Variants in ARHGEF6 observed in about 807,000 individuals in gnomAD.
ARHGEF6 encodes rho guanine nucleotide exchange factor 6.
In ARHGEF6, 9 loss-of-function variants were observed where a neutral mutation model predicts 70.3. The observed-to-expected ratio is 0.13, with a 90% CI of 0.08 to 0.22. ARHGEF6 has a LOEUF of 0.22. ARHGEF6 is among the 10% of genes least tolerant of loss of function. The pLI, the probability that ARHGEF6 is intolerant of heterozygous loss-of-function variation, is 1.00. For missense variants in ARHGEF6, 470 were observed against 563.0 expected, an observed-to-expected ratio of 0.83 and a Z score of 1.67; for synonymous variants, 201 against 207.8, an observed-to-expected ratio of 0.97 and a Z score of 0.28.
intron 3 of ARHGEF6, among the ~76,000 whole-genome samples, chrX:136,746,983 T>C (rs1050413051): frequency 9.0e-5 from 10 of 111,678 alleles, no homozygotes; most frequent in Admixed American, 3.8e-4. Context: ...TCACATTTAC[T>C]AGCATTTATA....
At chrX:136,689,110 T>C (rs1236629094) in intron 10 of ARHGEF6, among the ~76,000 whole-genome samples, 6 of 112,537 alleles carry the variant, frequency 5.3e-5, no homozygotes, top group African/African-American at 6.5e-5. Context: ...AGTAAGGTTG[T>C]ATTCCTTTAC....
rs770841599 is a variant in ARHGEF6, at chrX:136,736,308, CATTT to C, written c.662-4140_662-4137del. 2.7e-5 allele frequency among the ~76,000 whole-genome samples: 3 copies of C among 112,207 alleles called. No individual in the cohort carries two copies. The South Asian group carries it at 1.1e-3, about 41-fold the overall frequency. On this transcript the variant is annotated intron_variant, in intron 5 of 21. Transcript: ENST00000250617. The stretch of plus-strand genomic sequence containing the variant: ...AAATTGTATAAGTGGCTAATTTTCT[CATTT>C]ATAATGTATGTGACTCAAATGAAAT...
At chrX:136,740,003 C>CATTATT (rs746167958) in intron 5 of ARHGEF6, among the ~76,000 whole-genome samples, 3,434 of 109,737 alleles carry the variant, frequency 0.031, 148 homozygotes, top group African/African-American at 0.11. Context: ...ACCCAAGTTA[C>CATTATT]ATTATTATTA....
rs2077441597 is a variant in ARHGEF6 at position 136,780,841 on chromosome X, C to T, written c.42G>A (p.Leu14=). Residue 14 remains leucine (L), a synonymous_variant, in exon 1 of 22, where the codon TTG becomes TTA. Transcript: ENST00000250617. The stretch of plus-strand genomic sequence containing the variant: ...TCTTTTTAGGGGACTCTAAAACTCC[C>T]AAAGATATAAGCCATGTCACGATTT... ...EEQIVTWLIS[L]GVLESPKKTI... 3.3e-6 allele frequency: 4 copies of T among 1,211,362 alleles called. No individual in the cohort carries two copies. The highest frequency in any genetic ancestry group is 2.2e-5 in the Admixed American group (1 of 45,957).
chrX:136,693,306 T>A (rs2148597418), intron 9 of ARHGEF6, among the ~76,000 whole-genome samples: 1 of 112,194 alleles, frequency 8.9e-6, no homozygotes, highest in East Asian at 2.8e-4. Flanking sequence ...AAACACTGGT[T>A]CTTCAGAAAA....
intron 12 of ARHGEF6, among the ~76,000 whole-genome samples, chrX:136,685,256 A>G (rs1189463062): frequency 9.0e-6 from 1 of 111,454 alleles, no homozygotes; most frequent in Non-Finnish European, 1.9e-5. Flanking sequence ...CCCTCCTGTG[A>G]ACTTCTATGG....
chrX:136,770,847 A>C (rs984823222), intron 2 of ARHGEF6, among the ~76,000 whole-genome samples: 4 of 111,643 alleles, frequency 3.6e-5, no homozygotes, highest in Non-Finnish European at 7.5e-5. Context: ...AAATACAAAA[A>C]TTAGCCAAGC....
chrX:136,767,535 TCGGCGGG>T, intron 2 of ARHGEF6: 2 of 754,454 alleles, frequency 2.7e-6, no homozygotes, highest in Non-Finnish European at 3.1e-6. Context: ...GCCGTGCCGC[TCGGCGGG>T]CGGAGGATCG....
In ARHGEF6 at chrX:136,675,052, C is replaced by T; in HGVS notation, c.1990G>A (p.Glu664Lys). 3 of 1,211,627 alleles carry T rather than the reference C, an allele frequency of 2.5e-6. No individual in the cohort carries two copies. The highest frequency in any genetic ancestry group is 2.2e-6 in the Non-Finnish European group (2 of 895,349). Reference protein sequence around the residue: ...EEDAQILKVIEAYCTSANFQQ... With the variant: ...EEDAQILKVIKAYCTSANFQQ... Reference sequence around the variant, plus strand: ...AAATTTGCGCTGGTGCAGTAGGCTTCGATCACTTTAAGGATTTGAGCATCC... The same window carrying T: ...AAATTTGCGCTGGTGCAGTAGGCTTTGATCACTTTAAGGATTTGAGCATCC... Residue 664 changes from glutamate (E) to lysine (K), a missense_variant, in exon 19 of 22, where the codon GAA becomes AAA. Physicochemically the swap from Glu to Lys is moderately conservative, Grantham distance 56 (BLOSUM62 1). Coordinates refer to ENST00000250617, the MANE Select transcript of ARHGEF6 (RefSeq NM_004840.3).
At chrX:136,703,525 T>C (rs140949404) in intron 9 of ARHGEF6, among the ~76,000 whole-genome samples, 1,538 of 112,369 alleles carry the variant, frequency 0.014, 11 homozygotes, top group Middle Eastern at 0.05. Flanking sequence ...CCAAACTTTT[T>C]TTATTTTTTT....
chrX:136,758,744 T>C (rs2077236341), intron 2 of ARHGEF6, among the ~76,000 whole-genome samples: 1 of 111,679 alleles, frequency 9.0e-6, no homozygotes. Flanking sequence ...GTCATTTTTA[T>C]GAATAAAAGT....
Position 136,672,049 on chromosome X carries a change from T to C in ARHGEF6, c.2106A>G (p.Arg702=). The C allele has an allele frequency of 8.3e-7, 1 of 1,210,564 alleles. No individual in the cohort carries two copies. Among genetic ancestry groups the C allele is most frequent in the Non-Finnish European group, 1.1e-6 (1 of 894,391 alleles). ...EEEKLIIEET[R]SNGQTIMEEK... ...CTTCCATGATGGTCTGGCCGTTGCT[T>C]CTGGTTTCTTCAATGATGAGTTTCT... Residue 702 remains arginine, a synonymous_variant, in exon 20 of 22, where the codon AGA becomes AGG. Coordinates refer to ENST00000250617, the MANE Select transcript of ARHGEF6 (RefSeq NM_004840.3).
Position 136,668,001 on chromosome X carries a change from C to T in ARHGEF6, c.*28G>A. The T allele has an allele frequency of 8.3e-7, 1 of 1,210,675 alleles. No individual in the cohort carries two copies. The highest frequency in any genetic ancestry group is 1.8e-5 in the South Asian group (1 of 56,954). ...GGGACATTTCAAGATGCCCTGAAGG[C>T]ACACTCCACCCAGTGGCACAGTGAT... On this transcript the variant is annotated 3_prime_UTR_variant, in exon 22 of 22. Transcript: ENST00000250617.
At chrX:136,679,057 C>A (rs1186558444) in intron 16 of ARHGEF6, among the ~76,000 whole-genome samples, 1 of 112,133 alleles carries the variant, frequency 8.9e-6, no homozygotes, top group Non-Finnish European at 1.9e-5. Flanking sequence ...TCATCAAATT[C>A]TTTTCTCATT....
Position 136,704,561 on chromosome X carries a change from G to A in ARHGEF6, c.1046+2347C>T, listed in dbSNP as rs190906643. ...ACTCACCATTCCACATGGCTGGGGA[G>A]GCCTCAGGAAACTTACAATCATGGT... On this transcript the variant is annotated intron_variant, in intron 9 of 21. Coordinates refer to ENST00000250617, the MANE Select transcript of ARHGEF6 (RefSeq NM_004840.3). Among the ~76,000 whole-genome samples the A allele has an allele frequency of 6.3e-4, 71 of 111,927 alleles. No individual in the cohort carries two copies. The East Asian group carries it at 9.2e-3, about 15-fold the overall frequency.
At chrX:136,708,809 G>T in intron 7 of ARHGEF6, 39 bp from the exon 8 acceptor site, 1 of 1,017,759 alleles carries the variant, frequency 9.8e-7, no homozygotes, top group Non-Finnish European at 1.4e-6. Flanking sequence ...ATCTATTGTA[G>T]TCTAGTTGGC....
chrX:136,678,003 T>C lies in ARHGEF6; in HGVS notation c.1831-47A>G, dbSNP rs145014969. 1,171 of 1,098,255 alleles carry C rather than the reference T, an allele frequency of 1.1e-3. 4 individuals carry two copies. The Middle Eastern group carries it at 0.018, about 17-fold the overall frequency. 90.5% of individuals were successfully genotyped at this position (1,098,255 alleles called of 1,213,427 possible). Reference sequence around the variant, plus strand: ...AGAGAAGATGAGCGTGAGAGGTCGATGGTTATAATGACCAAATCCACTTAT... The same window carrying C: ...AGAGAAGATGAGCGTGAGAGGTCGACGGTTATAATGACCAAATCCACTTAT... On this transcript the variant is annotated intron_variant, in intron 16 of 21. Transcript: ENST00000250617.
intron 13 of ARHGEF6, among the ~76,000 whole-genome samples, chrX:136,682,501 T>C (rs2076342370): frequency 1.8e-5 from 2 of 112,248 alleles, no homozygotes; most frequent in Non-Finnish European, 3.8e-5. Flanking sequence ...CTAATTTATC[T>C]AGTTTCCATT....
At chrX:136,710,330 C>CATATAT (rs59532724) in intron 7 of ARHGEF6, among the ~76,000 whole-genome samples, 8,804 of 87,370 alleles carry the variant, frequency 0.1, 574 homozygotes, top group East Asian at 0.28. Context: ...ATATATTATA[C>CATATAT]ATATATATAT....
Sources: gnomAD v4.1 joint callset for allele counts (sites outside exome capture counted in the v4.1 genomes callset) on GRCh38, gnomAD v4.1.1 for gene constraint, MANE v1.5 for transcripts, NCBI Gene and HGNC (gene_info 2026-07-23, HGNC 2026-07-21) for gene names.